Variants in CORO2B observed in about 807,000 individuals in gnomAD.
CORO2B encodes coronin 2B, also known as coronin-2B.
In CORO2B, 26 loss-of-function variants were observed where a neutral mutation model predicts 58.8. The ratio of observed to expected loss-of-function variants is 0.44; its 90% CI spans 0.32 to 0.61. The LOEUF (loss-of-function observed/expected upper bound fraction) is 0.61. CORO2B is among the 20% of genes least tolerant of loss of function. The pLI, the probability that CORO2B is intolerant of heterozygous loss-of-function variation, is 0.04. For synonymous variants in CORO2B, 242 were observed against 253.8 expected (o/e 0.95, Z 0.44); for missense variants, 460 against 645.1 (o/e 0.71, Z 3.11).
the CORO2B span, among the ~76,000 whole-genome samples, chr15:68,527,264 T>A: frequency 6.6e-6 from 1 of 152,230 alleles, no homozygotes; most frequent in Non-Finnish European, 1.5e-5. Context: ...AGCTAGGCAA[T>A]CCTTGCTTAC....
At chr15:68,666,313 C>T (rs917930426) in intron 2 of CORO2B, among the ~76,000 whole-genome samples, 1 of 152,190 alleles carries the variant, frequency 6.6e-6, no homozygotes, top group Non-Finnish European at 1.5e-5. Context: ...GCAGCTAGTT[C>T]CCTTTCCAAG....
chr15:68,633,438 T>C (rs1427975204), intron 1 of CORO2B, among the ~76,000 whole-genome samples: 2 of 151,884 alleles, frequency 1.3e-5, no homozygotes, highest in Non-Finnish European at 2.9e-5. Context: ...AAGTTTCTGC[T>C]CTAGTTTCTA....
At chr15:68,639,798 A>G (rs531172221) in intron 1 of CORO2B, among the ~76,000 whole-genome samples, 1 of 151,668 alleles carries the variant, frequency 6.6e-6, no homozygotes, top group Non-Finnish European at 1.5e-5. Flanking sequence ...AATCTTGAAA[A>G]CCAATCTCAA....
chr15:68,553,111 C>T, the CORO2B span, among the ~76,000 whole-genome samples: 9 of 152,294 alleles, frequency 5.9e-5, no homozygotes, highest in South Asian at 1.5e-3. Flanking sequence ...GACAGTCACA[C>T]ATGTGGATGT....
chr15:68,722,208 G>A (rs534979991), intron 11 of CORO2B, among the ~76,000 whole-genome samples: 40 of 152,260 alleles, frequency 2.6e-4, no homozygotes, highest in African/African-American at 9.6e-5. Context: ...GCAATATTTC[G>A]CTGTAGACTT....
intron 11 of CORO2B, among the ~76,000 whole-genome samples, chr15:68,723,379 C>G (rs1893212980): frequency 6.6e-6 from 1 of 151,652 alleles, no homozygotes; most frequent in Admixed American, 6.6e-5. Context: ...GCCTCAGCCT[C>G]CCAAAGTGTT....
chr15:68,645,415 C>G lies in CORO2B; in HGVS notation c.216+55C>G, dbSNP rs1901392646. The G allele has an allele frequency of 1.3e-6, 2 of 1,555,178 alleles. No homozygotes were observed. The highest frequency in any genetic ancestry group is 3.4e-5 in the Admixed American group (2 of 58,428). ...CAGCTCCAGGGCAGAGAGGAGCCCT[C>G]CTTGGTCTCTCTTAGGCCTGTTGAC... On this transcript the variant is annotated intron_variant, in intron 2 of 11. Transcript: ENST00000261861. This position sits in a 1 kb window ranked among gnomAD's most constrained non-coding sequence, Gnocchi z 4.5.
chr15:68,585,181 A>G (rs1180748604), intron 1 of CORO2B, among the ~76,000 whole-genome samples: 3 of 152,154 alleles, frequency 2.0e-5, no homozygotes, highest in Non-Finnish European at 4.4e-5. Flanking sequence ...CAGCTCTGTC[A>G]TGGTGGGGAC....
intron 3 of CORO2B, among the ~76,000 whole-genome samples, chr15:68,708,502 A>C (rs192130601): frequency 9.6e-4 from 145 of 151,372 alleles, no homozygotes; most frequent in Non-Finnish European, 1.7e-3. Flanking sequence ...CTGGGACTAC[A>C]GGTGCCTGCC....
At chr15:68,654,720 C>T (rs576221104) in intron 2 of CORO2B, among the ~76,000 whole-genome samples, 55 of 152,360 alleles carry the variant, frequency 3.6e-4, no homozygotes, top group African/African-American at 1.3e-3. Context: ...AGCACGTAGC[C>T]TGGCCCATAG....
chr15:68,552,477 TG>T, the CORO2B span, among the ~76,000 whole-genome samples: 2 of 125,004 alleles, frequency 1.6e-5, no homozygotes, highest in South Asian at 2.7e-4. Flanking sequence ...CGCGGGGGGG[TG>T]GGGGGGGCAG....
At chr15:68,652,658 T>C (rs187469637) in intron 2 of CORO2B, among the ~76,000 whole-genome samples, 129 of 152,346 alleles carry the variant, frequency 8.5e-4, no homozygotes, top group Middle Eastern at 6.8e-3. Context: ...ACCACAGTAG[T>C]GTGGCCTGAG....
intron 1 of CORO2B, among the ~76,000 whole-genome samples, chr15:68,595,290 T>C (rs571683703): frequency 2.0e-5 from 3 of 152,340 alleles, no homozygotes; most frequent in South Asian, 2.1e-4. Context: ...TAAGCCCTGC[T>C]GTCCTGTGTC....
intron 2 of CORO2B, among the ~76,000 whole-genome samples, chr15:68,653,143 C>G (rs761803200): frequency 6.6e-6 from 1 of 152,070 alleles, no homozygotes; most frequent in Non-Finnish European, 1.5e-5. Flanking sequence ...GGGTGGGGTC[C>G]TGGAGCAGCG....
intron 1 of CORO2B, among the ~76,000 whole-genome samples, chr15:68,618,335 CAT>C (rs1294660011): frequency 1.3e-5 from 2 of 152,150 alleles, no homozygotes; most frequent in African/African-American, 4.8e-5. Context: ...ATATATTACA[CAT>C]GTTGTATTAC....
chr15:68,653,205 C>T (rs1191784821), intron 2 of CORO2B, among the ~76,000 whole-genome samples: 2 of 152,074 alleles, frequency 1.3e-5, no homozygotes, highest in Non-Finnish European at 2.9e-5. Context: ...ATTGGCCCAC[C>T]GACCCACCCA....
At chr15:68,640,837 A>G (rs765422507) in intron 1 of CORO2B, among the ~76,000 whole-genome samples, 15 of 152,194 alleles carry the variant, frequency 9.9e-5, no homozygotes, top group Non-Finnish European at 1.9e-4. Flanking sequence ...AAAGAAAGAG[A>G]AGGGCTGGGG....
intron 1 of CORO2B, among the ~76,000 whole-genome samples, chr15:68,634,132 G>A (rs1015586992): frequency 1.3e-5 from 2 of 152,230 alleles, no homozygotes; most frequent in African/African-American, 2.4e-5. Context: ...GAAGCCGGAG[G>A]CCATGAAGGA....
At chr15:68,565,005 T>C in the CORO2B span, among the ~76,000 whole-genome samples, 1 of 152,200 alleles carries the variant, frequency 6.6e-6, no homozygotes, top group South Asian at 2.1e-4. Flanking sequence ...AACCTATCCT[T>C]ATAGTTAAGA....
Sources: gnomAD v4.1 joint callset for allele counts (sites outside exome capture counted in the v4.1 genomes callset) on GRCh38, gnomAD v4.1.1 for gene constraint, Gnocchi (gnomAD v3.1) non-coding constraint, MANE v1.5 for transcripts, NCBI Gene and HGNC (gene_info 2026-07-23, HGNC 2026-07-21) for gene names.